CSDC2: variants seen among roughly 807,000 people sequenced by gnomAD.
The protein encoded by CSDC2 is cold shock domain containing C2, also known as cold shock domain-containing protein C2.
CSDC2 carries 8 observed loss-of-function variants against 15.8 expected under a neutral mutation model. The ratio of observed to expected loss-of-function variants is 0.51; its 90% confidence interval spans 0.30 to 0.92. CSDC2 has a LOEUF of 0.92. Ranked by LOEUF, CSDC2 falls within the 40% of genes least tolerant of loss-of-function variation. The probability of loss-of-function intolerance (pLI) is 0.07; values close to 1 mark genes in which losing one functional copy is unlikely to be tolerated. For missense variants in CSDC2, 195 were observed against 213.3 expected, an observed-to-expected ratio of 0.91 and a Z score of 0.53; for synonymous variants, 96 against 92.3, an observed-to-expected ratio of 1.04 and a Z score of -0.23.
intron 2 of CSDC2, among the ~76,000 whole-genome samples, chr22:41,573,160 A>G (rs1415696819): frequency 2.6e-5 from 4 of 152,174 alleles, no homozygotes; most frequent in African/African-American, 7.2e-5. Flanking sequence ...TATGGCCAAC[A>G]TGGCCAAACA....
At chr22:41,564,526 C>T (rs5751126) in intron 1 of CSDC2, among the ~76,000 whole-genome samples, 2 of 152,106 alleles carry the variant, frequency 1.3e-5, no homozygotes, top group Non-Finnish European at 2.9e-5. Context: ...TCCCAAAGTG[C>T]TGGGATTACA....
chr22:41,564,391 A>T (rs951944546), intron 1 of CSDC2, among the ~76,000 whole-genome samples: 11 of 151,798 alleles, frequency 7.2e-5, no homozygotes, highest in African/African-American at 2.4e-4. Context: ...CTCCCCAGTG[A>T]CTGGGACTAC....
In CSDC2 at chr22:41,561,036, GCACACACAGACACACACA is replaced by G. The variant is rs2067079905; in HGVS notation, c.-262_-245del. On this transcript the variant is annotated 5_prime_UTR_variant, in exon 1 of 4. Transcript: ENST00000306149. Reference sequence around the variant, plus strand: ...AGGGGCTGAGGTACCGCCCGCGCGAGCACACACAGACACACACACACACACACACACACACACACACAC... The same window carrying G: ...AGGGGCTGAGGTACCGCCCGCGCGAGCACACACACACACACACACACACAC... 2.6e-5 allele frequency: 3 copies of G among 115,028 alleles called. No individual in the cohort carries two copies. The highest frequency in any genetic ancestry group is 3.6e-5 in the African/African-American group (1 of 28,118). The allele number at this position is 115,028 out of a possible 1,614,324, so 7.1% of individuals were successfully genotyped here.
At chr22:41,564,596 C>G (rs1601990982) in intron 1 of CSDC2, among the ~76,000 whole-genome samples, 1 of 152,160 alleles carries the variant, frequency 6.6e-6, no homozygotes, top group Non-Finnish European at 1.5e-5. Flanking sequence ...TCTGTTCCCC[C>G]CGCTGGACTG....
At chr22:41,565,985 T>A (rs1402976944) in intron 1 of CSDC2, among the ~76,000 whole-genome samples, 3 of 152,084 alleles carry the variant, frequency 2.0e-5, no homozygotes, top group Non-Finnish European at 4.4e-5. Context: ...CAGCCCCATT[T>A]GACAGATGAG....
At chr22:41,569,059 A>C (rs958460716) in intron 1 of CSDC2, among the ~76,000 whole-genome samples, 3 of 152,180 alleles carry the variant, frequency 2.0e-5, no homozygotes, top group African/African-American at 7.2e-5. Flanking sequence ...TGCCAAGCAC[A>C]ATACCAGGCC....
chr22:41,561,482 G>A (rs574433803), intron 1 of CSDC2, among the ~76,000 whole-genome samples: 1 of 152,324 alleles, frequency 6.6e-6, no homozygotes, highest in South Asian at 2.1e-4. Flanking sequence ...CTGCCAAGCC[G>A]CAGCCTCCTG....
intron 3 of CSDC2, 55 bp downstream of exon 3, chr22:41,573,832 G>A: frequency 6.4e-7 from 1 of 1,567,084 alleles, no homozygotes; most frequent in South Asian, 1.1e-5. Context: ...CCCCAATGGT[G>A]CCTCAAAAAT....
In CSDC2 at chr22:41,574,958, A is replaced by T. The variant is rs2067167658; in HGVS notation, c.*63A>T. 1 of 1,520,904 alleles carries T rather than the reference A, an allele frequency of 6.6e-7. No individual in the cohort carries two copies. The highest frequency in any genetic ancestry group is 1.4e-5 in the African/African-American group (1 of 72,776). The allele number at this position is 1,520,904 out of a possible 1,614,324, so 94.2% of individuals were successfully genotyped here. A position where few individuals can be genotyped will look rare whatever the true frequency, so the allele number is the denominator to read the frequency against. ...GAGCCACACAGGGTGAACGGGCAGC[A>T]GCCGGCTCCATGCCCCACTGCCCTG... On this transcript the variant is annotated 3_prime_UTR_variant, in exon 4 of 4. Transcript: ENST00000306149.
chr22:41,568,174 T>C lies in CSDC2; in HGVS notation c.-123-3669T>C, dbSNP rs536930216. Among the ~76,000 whole-genome samples, 119 of 145,264 alleles carry C rather than the reference T, an allele frequency of 8.2e-4. 1 individual carries two copies. The highest frequency in any genetic ancestry group is 5.0e-3 in the Admixed American group (71 of 14,178). On this transcript the variant is annotated intron_variant, in intron 1 of 3. Transcript: ENST00000306149. The stretch of plus-strand genomic sequence containing the variant: ...GGGTCTTGCTCTGTCGCCCAGGCTG[T>C]AGTGCAGTAGCTTGATTACCACTCA...
intron 1 of CSDC2, among the ~76,000 whole-genome samples, chr22:41,564,635 C>T (rs964382773): frequency 2.6e-5 from 4 of 152,188 alleles, no homozygotes; most frequent in Non-Finnish European, 2.9e-5. Context: ...TGTTGCCCCA[C>T]GTTTGTTGTT....
At chr22:41,563,641 G>A (rs1378614703) in intron 1 of CSDC2, among the ~76,000 whole-genome samples, 1 of 152,018 alleles carries the variant, frequency 6.6e-6, no homozygotes, top group Non-Finnish European at 1.5e-5. Context: ...TCCAGGGGAG[G>A]GTGGGCGCCA....
chr22:41,569,478 A>G (rs2067133871), intron 1 of CSDC2, among the ~76,000 whole-genome samples: 1 of 152,068 alleles, frequency 6.6e-6, no homozygotes, highest in Non-Finnish European at 1.5e-5. Flanking sequence ...CTCCCTGTCT[A>G]TGAGGATTTG....
Position 41,576,624 on chromosome 22 carries a change from C to G in CSDC2, c.*1729C>G, listed in dbSNP as rs1250451703. 1 of 155,504 alleles carries G rather than the reference C, an allele frequency of 6.4e-6. No individual in the cohort carries two copies. Among genetic ancestry groups the G allele is most frequent in the Admixed American group, 6.3e-5 (1 of 15,762 alleles). The allele number at this position is 155,504 out of a possible 1,614,324, so 9.6% of individuals were successfully genotyped here. On this transcript the variant is annotated 3_prime_UTR_variant, in exon 4 of 4. Transcript: ENST00000306149. ...AAGACCCCTGGCCACCCAGACCCCC[C>G]ATTCTTCCTAACACTGGCAATAAAC...
chr22:41,566,913 C>T (rs1471150391), intron 1 of CSDC2, among the ~76,000 whole-genome samples: 6 of 145,204 alleles, frequency 4.1e-5, no homozygotes, highest in East Asian at 4.0e-4. Flanking sequence ...GGCGACAGAG[C>T]GATCCTCCGT....
At chr22:41,571,505 T>C (rs1408697281) in intron 1 of CSDC2, among the ~76,000 whole-genome samples, 1 of 152,158 alleles carries the variant, frequency 6.6e-6, no homozygotes, top group African/African-American at 2.4e-5. Context: ...GTCACCAAGT[T>C]GTAGGTGACA....
chr22:41,570,341 C>T (rs1432978803), intron 1 of CSDC2, among the ~76,000 whole-genome samples: 1 of 152,176 alleles, frequency 6.6e-6, no homozygotes, highest in Non-Finnish European at 1.5e-5. Flanking sequence ...GCCAGCTCAG[C>T]ATCTTGGTTC....
chr22:41,569,896 C>T (rs1045914022), intron 1 of CSDC2, among the ~76,000 whole-genome samples: 2 of 151,012 alleles, frequency 1.3e-5, no homozygotes, highest in Non-Finnish European at 2.9e-5. Context: ...TCTCATGCCT[C>T]AGCCTTCTGA....
At chr22:41,571,386 G>A (rs2067144343) in intron 1 of CSDC2, among the ~76,000 whole-genome samples, 1 of 152,138 alleles carries the variant, frequency 6.6e-6, no homozygotes, top group Non-Finnish European at 1.5e-5. Context: ...CAGAGCCAAG[G>A]CTATGTAGCC....
Sources: gnomAD v4.1 joint callset for allele counts (sites outside exome capture counted in the v4.1 genomes callset) on GRCh38, gnomAD v4.1.1 for gene constraint, MANE v1.5 for transcripts, NCBI Gene and HGNC (gene_info 2026-07-23, HGNC 2026-07-21) for gene names.